The following USH2A variants were observed in gnomAD, a reference collection of about 807,000 sequenced individuals.
USH2A encodes usherin.
USH2A carries 443 observed loss-of-function variants against 538.9 expected under a neutral mutation model. The observed-to-expected ratio is 0.82, with a 90% CI of 0.76 to 0.89. The LOEUF (loss-of-function observed/expected upper bound fraction) is 0.89, where lower values mean the gene tolerates loss of function less well. USH2A is among the 40% of genes least tolerant of loss of function. The pLI is 0.00. For missense variants in USH2A, 6,633 were observed against 6,324.8 expected (o/e 1.05, Z -1.65); for synonymous variants, 2,413 against 2,273.5 (o/e 1.06, Z -1.75).
At chr1:216,350,116 C>A (rs2038253283) in intron 4 of USH2A, among the ~76,000 whole-genome samples, 1 of 152,038 alleles carries the variant, frequency 6.6e-6, no homozygotes, top group South Asian at 2.1e-4. Flanking sequence ...AGGTGCCACA[C>A]ACTTTAAAAT....
intron 23 of USH2A, among the ~76,000 whole-genome samples, chr1:216,087,391 A>T (rs2032167189): frequency 6.6e-6 from 1 of 152,036 alleles, no homozygotes; most frequent in Non-Finnish European, 1.5e-5. Context: ...CAGCCTTAAC[A>T]TGTTCTCAAC....
intron 35 of USH2A, among the ~76,000 whole-genome samples, chr1:215,980,784 G>A (rs879904147): frequency 3.9e-5 from 6 of 152,108 alleles, no homozygotes; most frequent in Admixed American, 6.6e-5. Context: ...TTTGAGAGTA[G>A]CCATACTTCA....
rs753738250 is a variant in USH2A at position 215,623,777 on chromosome 1, C to T, written c.*2004G>A. ...TTTTGTGCGTTGTTAAAATTTTATA[C>T]TGTGCTTGGAAAAATACACAGTGAT... On this transcript the variant is annotated 3_prime_UTR_variant, in exon 72 of 72. Coordinates refer to ENST00000307340, the MANE Select transcript of USH2A (RefSeq NM_206933.4). The T allele has an allele frequency of 2.6e-5, 4 of 152,108 alleles. No individual in the cohort carries two copies. Among genetic ancestry groups the T allele is most frequent in the Non-Finnish European group, 5.9e-5 (4 of 68,014 alleles). 9.4% of individuals were successfully genotyped at this position (152,108 alleles called of 1,614,324 possible). A position where few individuals can be genotyped will look rare whatever the true frequency, so the allele number is the denominator to read the frequency against.
At chr1:216,099,371 C>T (rs565639385) in intron 21 of USH2A, among the ~76,000 whole-genome samples, 1 of 152,232 alleles carries the variant, frequency 6.6e-6, no homozygotes, top group South Asian at 2.1e-4. Flanking sequence ...TAGTCAAACA[C>T]ACTTGGACTC....
intron 47 of USH2A, among the ~76,000 whole-genome samples, chr1:215,835,459 G>C (rs1265713773): frequency 6.6e-6 from 1 of 152,078 alleles, no homozygotes; most frequent in African/African-American, 2.4e-5. Flanking sequence ...CTTTATCACT[G>C]TTTTTACTTC....
intron 38 of USH2A, among the ~76,000 whole-genome samples, chr1:215,906,958 G>A (rs941006502): frequency 6.6e-6 from 1 of 151,802 alleles, no homozygotes; most frequent in Non-Finnish European, 1.5e-5. Flanking sequence ...ACCAAATAAG[G>A]AATCCTTACC....
chr1:216,286,770 A>G (rs578001739), intron 11 of USH2A, among the ~76,000 whole-genome samples: 1 of 152,092 alleles, frequency 6.6e-6, no homozygotes, highest in South Asian at 2.1e-4. Flanking sequence ...TTTCTTTACA[A>G]CTTACTCTGT....
chr1:215,930,702 T>C (rs1262235847), intron 38 of USH2A, among the ~76,000 whole-genome samples: 2 of 151,990 alleles, frequency 1.3e-5, no homozygotes, highest in Non-Finnish European at 2.9e-5. Context: ...ACATCACCAA[T>C]GTCAACCACT....
At chr1:216,081,274 G>A (rs897106714) in intron 26 of USH2A, among the ~76,000 whole-genome samples, 6 of 152,262 alleles carry the variant, frequency 3.9e-5, no homozygotes, top group Admixed American at 1.3e-4. Flanking sequence ...AGCCAATGGT[G>A]TCAATGCGTT....
rs76631829 is a variant in USH2A, at chr1:215,969,328, C to A, written c.6957+1297G>T. ...GTTTTACAACCCAATTCTATTCCCC[C>A]CTTCCTATCAGAGCTTTGTGGCATT... On this transcript the variant is annotated intron_variant, in intron 36 of 71. Coordinates refer to ENST00000307340, the MANE Select transcript of USH2A (RefSeq NM_206933.4). 1.8e-3 allele frequency among the ~76,000 whole-genome samples: 269 copies of A among 152,144 alleles called. 1 individual carries two copies. The highest frequency in any genetic ancestry group is 6.3e-3 in the African/African-American group (261 of 41,532).
intron 4 of USH2A, among the ~76,000 whole-genome samples, chr1:216,343,753 A>G (rs1384041417): frequency 6.6e-6 from 1 of 152,094 alleles, no homozygotes; most frequent in East Asian, 1.9e-4. Context: ...GTGTGACACT[A>G]AGAATATTTT....
intron 69 of USH2A, 38 bp downstream of exon 69, chr1:215,639,117 G>T (rs1158973617): frequency 1.3e-6 from 2 of 1,585,458 alleles, no homozygotes; most frequent in South Asian, 1.1e-5. Context: ...TGAGGAAGAT[G>T]AATAGGTGCT....
chr1:215,648,454 T>C lies in USH2A; in HGVS notation c.14582+74A>G, dbSNP rs1303597655. ...ACAGGTTTGTAGCCTAGGTGCAGAG[T>C]AGGCTATACCATGAGTTCATATGTC... is the stretch of plus-strand genomic sequence containing the variant. On this transcript the variant is annotated intron_variant, in intron 66 of 71. Transcript: ENST00000307340. 6 of 1,494,532 alleles carry C rather than the reference T, an allele frequency of 4.0e-6. No individual in the cohort carries two copies. The East Asian group carries it at 6.8e-5, about 17-fold the overall frequency. 92.6% of individuals were successfully genotyped at this position (1,494,532 alleles called of 1,614,324 possible). A position where few individuals can be genotyped will look rare whatever the true frequency, so the allele number is the denominator to read the frequency against.
In USH2A at chr1:215,728,334, C is replaced by G. The variant is rs1419544979; in HGVS notation, c.11762G>C (p.Gly3921Ala). 1 of 1,614,066 alleles carries G rather than the reference C, an allele frequency of 6.2e-7. No homozygotes were observed. Among genetic ancestry groups the G allele is most frequent in the East Asian group, 2.2e-5 (1 of 44,898 alleles). ...EESVLFVWSE[G>A]ALEFMDEGDT... is the part of the protein sequence containing the mutation. ...TCCTTCATCCATAAATTCAAGGGCT[C>G]CTTCTGACCAGACAAATAAAACAGA... The change falls in exon 61 of 72, where the codon GGA (glycine) becomes GCA (alanine). Residue 3921 changes from glycine (G) to alanine (A), a missense_variant. Transcript: ENST00000307340.
At chr1:216,106,792 C>G (rs111658257) in intron 21 of USH2A, among the ~76,000 whole-genome samples, 1 of 151,844 alleles carries the variant, frequency 6.6e-6, no homozygotes, top group Non-Finnish European at 1.5e-5. Context: ...TTAACCTATA[C>G]ATTTCTCTCC....
chr1:216,209,132 C>T (rs576219557), intron 15 of USH2A, among the ~76,000 whole-genome samples: 4 of 152,286 alleles, frequency 2.6e-5, no homozygotes, highest in African/African-American at 9.6e-5. Flanking sequence ...GTCAGGCTTG[C>T]TATGTTAACT....
At chr1:215,827,249 A>G (rs1663181220) in intron 47 of USH2A, among the ~76,000 whole-genome samples, 1 of 152,148 alleles carries the variant, frequency 6.6e-6, no homozygotes, top group South Asian at 2.1e-4. Context: ...TGGAACCAAT[A>G]AAAACAAAAC....
intron 44 of USH2A, among the ~76,000 whole-genome samples, chr1:215,865,118 C>G (rs1335844789): frequency 6.6e-6 from 1 of 152,028 alleles, no homozygotes; most frequent in Non-Finnish European, 1.5e-5. Flanking sequence ...ATTAAAATTG[C>G]AAAAAATAGG....
At chr1:216,308,123 AT>A (rs759953437) in intron 9 of USH2A, among the ~76,000 whole-genome samples, 1 of 152,002 alleles carries the variant, frequency 6.6e-6, no homozygotes, top group Non-Finnish European at 1.5e-5. Flanking sequence ...TCTTCTTTCT[AT>A]TTGTATGATT....
Sources: gnomAD v4.1 joint callset for allele counts (sites outside exome capture counted in the v4.1 genomes callset) on GRCh38, gnomAD v4.1.1 for gene constraint, MANE v1.5 for transcripts, NCBI Gene and HGNC (gene_info 2026-07-23, HGNC 2026-07-21) for gene names.